REC114: variants seen among roughly 807,000 people sequenced by gnomAD.
REC114 encodes REC114 meiotic recombination protein.
In REC114, 27 loss-of-function variants were observed where a neutral mutation model predicts 31.3. That is an observed-to-expected ratio of 0.86 (90% CI 0.64 to 1.19). The LOEUF (loss-of-function observed/expected upper bound fraction) is 1.19. Among genes scored for constraint, REC114 ranks in the 50% most tolerant of loss-of-function variants. The pLI, the probability that REC114 is intolerant of heterozygous loss-of-function variation, is 0.00. For missense variants in REC114, 344 were observed against 326.9 expected (o/e 1.05, Z -0.40); for synonymous variants, 134 against 127.7 (o/e 1.05, Z -0.33).
chr15:73,506,264 T>C (rs1320920691), intron 2 of REC114, among the ~76,000 whole-genome samples: 2 of 152,190 alleles, frequency 1.3e-5, no homozygotes, highest in Non-Finnish European at 2.9e-5. Flanking sequence ...AACTGAGAAA[T>C]AGGTTCTGAG....
intron 2 of REC114, among the ~76,000 whole-genome samples, chr15:73,485,979 G>A (rs1006670297): frequency 6.6e-6 from 1 of 152,162 alleles, no homozygotes; most frequent in Non-Finnish European, 1.5e-5. Context: ...GCATTTTACT[G>A]TTCTACGTTT....
At chr15:73,486,477 C>G (rs1318257553) in intron 2 of REC114, among the ~76,000 whole-genome samples, 1 of 152,216 alleles carries the variant, frequency 6.6e-6, no homozygotes, top group Non-Finnish European at 1.5e-5. Flanking sequence ...ACGCCTTAAG[C>G]TATCTTACCT....
chr15:73,530,870 A>C (rs1227277992), intron 2 of REC114, among the ~76,000 whole-genome samples: 1 of 152,056 alleles, frequency 6.6e-6, no homozygotes, highest in African/African-American at 2.4e-5. Context: ...ACCTGGCACC[A>C]AAACACCTTC....
chr15:73,502,991 T>G (rs1292089756), intron 2 of REC114, among the ~76,000 whole-genome samples: 1 of 152,230 alleles, frequency 6.6e-6, no homozygotes, highest in Non-Finnish European at 1.5e-5. Flanking sequence ...TCTATTAGAA[T>G]GGCCAAGATT....
At chr15:73,487,589 G>A (rs1893387777) in intron 2 of REC114, among the ~76,000 whole-genome samples, 1 of 152,230 alleles carries the variant, frequency 6.6e-6, no homozygotes, top group African/African-American at 2.4e-5. Context: ...TACACACTGG[G>A]GTGGAGTTGG....
At chr15:73,553,969 G>T (rs1397074283) in intron 4 of REC114, among the ~76,000 whole-genome samples, 3 of 152,184 alleles carry the variant, frequency 2.0e-5, no homozygotes, top group Non-Finnish European at 4.4e-5. Flanking sequence ...GTAAAATGGT[G>T]AGATTAAAAT....
chr15:73,489,541 A>T (rs1229131587), intron 2 of REC114, among the ~76,000 whole-genome samples: 1 of 151,844 alleles, frequency 6.6e-6, no homozygotes, highest in Non-Finnish European at 1.5e-5. Context: ...ACTCCCATTC[A>T]TGAGGGTTCT....
chr15:73,471,947 A>G (rs1893138838), intron 1 of REC114, among the ~76,000 whole-genome samples: 3 of 152,284 alleles, frequency 2.0e-5, no homozygotes, highest in African/African-American at 7.2e-5. Flanking sequence ...AGGATGGGAG[A>G]TTATTTTAAG....
chr15:73,525,900 C>G (rs908891835), intron 2 of REC114, among the ~76,000 whole-genome samples: 1 of 152,148 alleles, frequency 6.6e-6, no homozygotes, highest in African/African-American at 2.4e-5. Context: ...ATTCAGTCTA[C>G]AAGTTCTGTC....
At chr15:73,467,552 A>G (rs1450683524) in intron 1 of REC114, among the ~76,000 whole-genome samples, 2 of 152,330 alleles carry the variant, frequency 1.3e-5, no homozygotes, top group East Asian at 3.8e-4. Context: ...AAGTTCAGAG[A>G]CTTTCTATGT....
chr15:73,477,022 C>A (rs887175399), intron 2 of REC114, among the ~76,000 whole-genome samples: 3 of 152,216 alleles, frequency 2.0e-5, no homozygotes, highest in Non-Finnish European at 1.5e-5. Context: ...CTCACCAACA[C>A]TTGGTATTGT....
chr15:73,475,404 T>C (rs1017546859), intron 2 of REC114, among the ~76,000 whole-genome samples: 10 of 152,314 alleles, frequency 6.6e-5, no homozygotes, highest in Admixed American at 2.0e-4. Context: ...GATATGATAG[T>C]GATCCCATTA....
chr15:73,445,158 T>C (rs1036611443), intron 1 of REC114, among the ~76,000 whole-genome samples: 2 of 152,184 alleles, frequency 1.3e-5, no homozygotes, highest in Non-Finnish European at 2.9e-5. Context: ...TAAATGAGCA[T>C]TGGCTTCAAT....
intron 2 of REC114, among the ~76,000 whole-genome samples, chr15:73,493,025 TA>T (rs1224956035): frequency 6.6e-6 from 1 of 151,842 alleles, no homozygotes; most frequent in African/African-American, 2.4e-5. Context: ...TTTATTTATT[TA>T]TTTTTTTTGA....
chr15:73,549,060 C>T (rs983962892), intron 3 of REC114, among the ~76,000 whole-genome samples: 33 of 152,030 alleles, frequency 2.2e-4, no homozygotes, highest in African/African-American at 6.8e-4. Context: ...GGAAAAATAA[C>T]GAATGGGTAC....
intron 2 of REC114, among the ~76,000 whole-genome samples, chr15:73,523,035 T>C (rs977043647): frequency 1.3e-5 from 2 of 152,172 alleles, no homozygotes; most frequent in African/African-American, 4.8e-5. Flanking sequence ...ATGTTGAGTA[T>C]CTTTTAATGT....
chr15:73,501,200 A>G (rs921924177), intron 2 of REC114, among the ~76,000 whole-genome samples: 1 of 152,230 alleles, frequency 6.6e-6, no homozygotes, highest in African/African-American at 2.4e-5. Context: ...ATTGCAGCAC[A>G]TCTATGAAGG....
chr15:73,456,255 G>A (rs936436294), intron 1 of REC114, among the ~76,000 whole-genome samples: 1 of 151,796 alleles, frequency 6.6e-6, no homozygotes, highest in Non-Finnish European at 1.5e-5. Flanking sequence ...ATTGCAGGTT[G>A]CTTTTAAAGT....
chr15:73,516,752 C>T (rs920458142), intron 2 of REC114, among the ~76,000 whole-genome samples: 32 of 152,134 alleles, frequency 2.1e-4, no homozygotes, highest in African/African-American at 5.8e-4. Context: ...CTCAGCCTCC[C>T]GAGTAGCTGA....
Sources: gnomAD v4.1 joint callset for allele counts (sites outside exome capture counted in the v4.1 genomes callset) on GRCh38, gnomAD v4.1.1 for gene constraint, MANE v1.5 for transcripts, NCBI Gene and HGNC (gene_info 2026-07-23, HGNC 2026-07-21) for gene names.